Variants in ANKRD44 observed in about 807,000 individuals in gnomAD.
The protein encoded by ANKRD44 is serine/threonine-protein phosphatase 6 regulatory ankyrin repeat subunit B.
ANKRD44 carries 35 observed loss-of-function variants against 116.0 expected under a neutral mutation model. That is an observed-to-expected ratio of 0.30 (90% CI 0.23 to 0.40). The LOEUF (loss-of-function observed/expected upper bound fraction) is 0.40, where lower values mean the gene tolerates loss of function less well. Among genes scored for constraint, ANKRD44 ranks in the 10% least tolerant of loss-of-function variants. ANKRD44 has a pLI of 1.00. For missense variants in ANKRD44, 1,014 were observed against 1,242.6 expected (o/e 0.82, Z 2.77); for synonymous variants, 435 against 461.8 (o/e 0.94, Z 0.74).
chr2:197,275,846 G>A (rs1250875972), intron 1 of ANKRD44, among the ~76,000 whole-genome samples: 1 of 152,112 alleles, frequency 6.6e-6, no homozygotes, highest in African/African-American at 2.4e-5. Context: ...AAAAGAGGGG[G>A]AAAGAGTTTA....
rs1387530945 is a variant in ANKRD44 at position 197,153,571 on chromosome 2, G to A, written c.112-6466C>T. 5.9e-5 allele frequency among the ~76,000 whole-genome samples: 9 copies of A among 152,092 alleles called. No homozygotes were observed. The East Asian group carries it at 1.5e-3, about 26-fold the overall frequency. On this transcript the variant is annotated intron_variant, in intron 2 of 27. Coordinates refer to ENST00000282272, the MANE Select transcript of ANKRD44 (RefSeq NM_001195144.2). ...ATTAAAAGAAGGTTAAAGAAGAAAGGAAAGAGAAAGACAGAAAACAAATGC... is the reference window on the plus strand; with the variant it reads ...ATTAAAAGAAGGTTAAAGAAGAAAGAAAAGAGAAAGACAGAAAACAAATGC...
At chr2:197,254,628 C>T (rs1361685880) in intron 1 of ANKRD44, among the ~76,000 whole-genome samples, 3 of 134,640 alleles carry the variant, frequency 2.2e-5, no homozygotes, top group Non-Finnish European at 3.3e-5. Flanking sequence ...CACACACACA[C>T]ACATATATAT....
chr2:197,290,094 A>T (rs2083519533), intron 1 of ANKRD44, among the ~76,000 whole-genome samples: 2 of 152,146 alleles, frequency 1.3e-5, no homozygotes, highest in South Asian at 2.1e-4. Context: ...TCCTGACTTC[A>T]AGTGATCTGC....
intron 18 of ANKRD44, among the ~76,000 whole-genome samples, chr2:197,012,575 A>G (rs534074841): frequency 6.6e-6 from 1 of 152,246 alleles, no homozygotes; most frequent in African/African-American, 2.4e-5. Context: ...ATCATTTCCA[A>G]GTAAGTAGGC....
At chr2:197,040,728 A>C (rs573970251) in intron 16 of ANKRD44, among the ~76,000 whole-genome samples, 31 of 152,180 alleles carry the variant, frequency 2.0e-4, no homozygotes, top group Admixed American at 1.0e-3. Context: ...AAATAAAATA[A>C]AATAAAATAA....
chr2:196,977,650 C>T (rs1480320948), intron 21 of ANKRD44, among the ~76,000 whole-genome samples: 1 of 152,144 alleles, frequency 6.6e-6, no homozygotes, highest in African/African-American at 2.4e-5. Flanking sequence ...AATGAGATAT[C>T]ACTTCACATC....
intron 16 of ANKRD44, among the ~76,000 whole-genome samples, chr2:197,039,150 T>A (rs540299323): frequency 6.6e-6 from 1 of 152,332 alleles, no homozygotes; most frequent in Admixed American, 6.5e-5. Flanking sequence ...TACTTTCCTA[T>A]AACTGAATTT....
intron 1 of ANKRD44, among the ~76,000 whole-genome samples, chr2:197,198,488 T>C (rs1358470432): frequency 6.6e-6 from 1 of 152,030 alleles, no homozygotes; most frequent in Non-Finnish European, 1.5e-5. Flanking sequence ...GGTGGTAATA[T>C]GTGAATCTAA....
At chr2:197,275,697 G>A (rs762598273) in intron 1 of ANKRD44, among the ~76,000 whole-genome samples, 25 of 151,870 alleles carry the variant, frequency 1.6e-4, no homozygotes, top group Admixed American at 3.9e-4. Context: ...TTGGAACCGG[G>A]TTGGGGGCTT....
At chr2:197,102,398 C>T (rs919625810) in intron 9 of ANKRD44, among the ~76,000 whole-genome samples, 1 of 152,174 alleles carries the variant, frequency 6.6e-6, no homozygotes, top group African/African-American at 2.4e-5. Flanking sequence ...CCAGATTTCT[C>T]TCTGTAGGCA....
chr2:197,211,572 T>C (rs1478899232), intron 1 of ANKRD44, among the ~76,000 whole-genome samples: 2 of 152,132 alleles, frequency 1.3e-5, no homozygotes. Flanking sequence ...TTCATTTCAA[T>C]GGAAAAATAA....
intron 1 of ANKRD44, among the ~76,000 whole-genome samples, chr2:197,254,937 A>G (rs2082411120): frequency 6.6e-6 from 1 of 152,190 alleles, no homozygotes; most frequent in Non-Finnish European, 1.5e-5. Context: ...TCCATCCGTG[A>G]AACACATCTA....
At chr2:197,180,922 C>G (rs2697236) in intron 2 of ANKRD44, among the ~76,000 whole-genome samples, 145,634 of 152,266 alleles carry the variant, frequency 0.96, 69,675 homozygotes, top group East Asian at 1. Flanking sequence ...TGTAAATGTG[C>G]CTTATTTCTT....
chr2:197,016,165 C>T (rs1288814980), intron 17 of ANKRD44: 5 of 301,948 alleles, frequency 1.7e-5, no homozygotes, highest in African/African-American at 2.2e-5. Flanking sequence ...AGAAAAGTTA[C>T]CGCAGCTTAA....
At chr2:197,011,717 C>A (rs1158390006) in intron 18 of ANKRD44, among the ~76,000 whole-genome samples, 4 of 152,118 alleles carry the variant, frequency 2.6e-5, no homozygotes, top group Admixed American at 6.5e-5. Context: ...AGGTGATCTG[C>A]CCTCCTCGGC....
At chr2:197,006,994 A>G (rs1283203576) in intron 20 of ANKRD44, among the ~76,000 whole-genome samples, 1 of 151,972 alleles carries the variant, frequency 6.6e-6, no homozygotes, top group East Asian at 1.9e-4. Context: ...GGTCCCAGTT[A>G]CTGGGGGGAG....
intron 11 of ANKRD44, among the ~76,000 whole-genome samples, chr2:197,089,256 A>G (rs896517312): frequency 1.3e-5 from 2 of 152,222 alleles, no homozygotes; most frequent in African/African-American, 2.4e-5. Flanking sequence ...AAGCAGAATC[A>G]GCCATAGGTA....
intron 1 of ANKRD44, among the ~76,000 whole-genome samples, chr2:197,295,147 AAAGC>A (rs2083680840): frequency 6.6e-6 from 1 of 152,218 alleles, no homozygotes; most frequent in African/African-American, 2.4e-5. Flanking sequence ...GAAAATAATA[AAAGC>A]AAGAATTCCC....
intron 1 of ANKRD44, among the ~76,000 whole-genome samples, chr2:197,255,801 C>T (rs1015902403): frequency 6.6e-5 from 10 of 152,232 alleles, no homozygotes; most frequent in Non-Finnish European, 1.5e-4. Context: ...ACAAAGGCAA[C>T]GACGCTCCTG....
Sources: allele counts gnomAD v4.1 joint callset (sites outside exome capture counted in the v4.1 genomes callset), GRCh38; gene constraint gnomAD v4.1.1; transcripts MANE v1.5; gene names NCBI Gene and HGNC (gene_info 2026-07-23, HGNC 2026-07-21).